The following EPB41L5 variants were observed in gnomAD, a reference collection of about 807,000 sequenced individuals.
EPB41L5 encodes the protein band 4.1-like protein 5.
A neutral mutation model predicts 106.6 loss-of-function variants in EPB41L5; 55 were observed. The observed-to-expected ratio is 0.52, with a 90% confidence interval of 0.42 to 0.65. The LOEUF (loss-of-function observed/expected upper bound fraction) is 0.65, where lower values mean the gene tolerates loss of function less well. EPB41L5 is among the 30% of genes least tolerant of loss of function. EPB41L5 has a pLI of 0.00. For synonymous variants in EPB41L5, 297 were observed against 306.7 expected, an observed-to-expected ratio of 0.97 and a Z score of 0.33; for missense variants, 871 against 882.1, an observed-to-expected ratio of 0.99 and a Z score of 0.16.
intron 18 of EPB41L5, among the ~76,000 whole-genome samples, chr2:120,138,000 T>C (rs1686003189): frequency 6.6e-6 from 1 of 151,974 alleles, no homozygotes; most frequent in African/African-American, 2.4e-5. Context: ...AAAAGATAAG[T>C]CATCACGTCC....
intron 21 of EPB41L5, among the ~76,000 whole-genome samples, chr2:120,163,874 CCCAGCATTT>C (rs1687256484): frequency 6.6e-6 from 1 of 151,750 alleles, no homozygotes; most frequent in Non-Finnish European, 1.5e-5. Flanking sequence ...ATTGCTTGGG[CCCAGCATTT>C]TGGGGCTGCG....
intron 11 of EPB41L5, among the ~76,000 whole-genome samples, chr2:120,089,454 T>G (rs1350880268): frequency 6.6e-6 from 1 of 152,174 alleles, no homozygotes; most frequent in Non-Finnish European, 1.5e-5. Context: ...CATAATTATA[T>G]ATATTTGCAG....
intron 16 of EPB41L5, among the ~76,000 whole-genome samples, chr2:120,115,370 G>A (rs1020152954): frequency 6.6e-6 from 1 of 151,996 alleles, no homozygotes; most frequent in African/African-American, 2.4e-5. Flanking sequence ...ATGTTCTGGT[G>A]TACCATTTCA....
At chr2:120,090,261 T>C in intron 11 of EPB41L5, 86 bp from the exon 12 acceptor site, 1 of 1,126,208 alleles carries the variant, frequency 8.9e-7, no homozygotes, top group Non-Finnish European at 1.3e-6. Context: ...AGATCCTTTA[T>C]TCATGGATGT....
chr2:120,115,844 C>T (rs892773417), intron 16 of EPB41L5, among the ~76,000 whole-genome samples: 2 of 152,146 alleles, frequency 1.3e-5, no homozygotes, highest in African/African-American at 2.4e-5. Context: ...GAGTCTTGCA[C>T]TGTCACCCAG....
At chr2:120,091,739 A>G (rs1683426009) in intron 13 of EPB41L5, 78 bp downstream of exon 13, 1 of 1,112,056 alleles carries the variant, frequency 9.0e-7, no homozygotes, top group African/African-American at 1.6e-5. Flanking sequence ...CATAAGAGGA[A>G]GTTACCTGAA....
At chr2:120,139,278 T>C (rs1391083987) in intron 18 of EPB41L5, among the ~76,000 whole-genome samples, 1 of 152,058 alleles carries the variant, frequency 6.6e-6, no homozygotes, top group Non-Finnish European at 1.5e-5. Flanking sequence ...AAAGATTTCT[T>C]GAATAATATC....
chr2:120,029,745 G>A (rs956901792), intron 2 of EPB41L5, among the ~76,000 whole-genome samples: 1 of 152,020 alleles, frequency 6.6e-6, no homozygotes, highest in Non-Finnish European at 1.5e-5. Flanking sequence ...TTATCTTATA[G>A]TACACTGTCC....
intron 3 of EPB41L5, among the ~76,000 whole-genome samples, chr2:120,065,954 CAT>C (rs1476583334): frequency 2.6e-5 from 4 of 152,164 alleles, no homozygotes; most frequent in South Asian, 2.1e-4. Flanking sequence ...TGCCAACACA[CAT>C]GTGTGTGCAC....
intron 10 of EPB41L5, among the ~76,000 whole-genome samples, chr2:120,079,570 G>C (rs1398264238): frequency 2.0e-5 from 3 of 152,176 alleles, no homozygotes; most frequent in Non-Finnish European, 4.4e-5. Flanking sequence ...ACCCCTATCA[G>C]GCAACCCTTT....
At chr2:120,074,003 T>C in intron 4 of EPB41L5, 97 bp from the exon 5 acceptor site, 13 of 873,776 alleles carry the variant, frequency 1.5e-5, no homozygotes, top group Non-Finnish European at 2.3e-5. Context: ...ACCTCATCTT[T>C]TGTCTCACTT....
intron 17 of EPB41L5, among the ~76,000 whole-genome samples, chr2:120,128,599 C>G (rs1042633451): frequency 5.9e-5 from 9 of 151,980 alleles, no homozygotes; most frequent in African/African-American, 1.9e-4. Flanking sequence ...TGAAAAGTCA[C>G]ACAGTGCTTC....
intron 10 of EPB41L5, 99 bp downstream of exon 10, chr2:120,078,680 GAAA>G: frequency 1.4e-6 from 1 of 739,144 alleles, no homozygotes; most frequent in Non-Finnish European, 2.2e-6. Context: ...AAATAGTTTT[GAAA>G]AACTTGTCAA....
intron 9 of EPB41L5, among the ~76,000 whole-genome samples, chr2:120,077,832 T>C (rs1446914010): frequency 6.6e-6 from 1 of 152,108 alleles, no homozygotes; most frequent in Non-Finnish European, 1.5e-5. Context: ...GACATAAATT[T>C]ATAAAGAGGT....
At chr2:120,023,954 G>A (rs1678120388) in intron 2 of EPB41L5, among the ~76,000 whole-genome samples, 1 of 152,182 alleles carries the variant, frequency 6.6e-6, no homozygotes, top group African/African-American at 2.4e-5. Context: ...TTGTGAATGG[G>A]AGTTCACTCA....
intron 24 of EPB41L5, among the ~76,000 whole-genome samples, chr2:120,173,920 G>A (rs151100356): frequency 6.6e-6 from 1 of 152,170 alleles, no homozygotes; most frequent in East Asian, 1.9e-4. Context: ...CCTGGTCTCA[G>A]TGGATTCTCC....
chr2:120,073,079 G>T (rs1681987626), intron 3 of EPB41L5, 99 bp from the exon 4 acceptor site: 3 of 1,013,548 alleles, frequency 3.0e-6, no homozygotes, highest in East Asian at 5.2e-5. Context: ...TTTCCTTGCG[G>T]TTATCAGTGT....
At chr2:120,018,356 AT>A (rs1315918300) in intron 1 of EPB41L5, among the ~76,000 whole-genome samples, 1 of 152,216 alleles carries the variant, frequency 6.6e-6, no homozygotes, top group Admixed American at 6.5e-5. Flanking sequence ...TAATTTATCT[AT>A]TTAGAAGACC....
intron 3 of EPB41L5, among the ~76,000 whole-genome samples, chr2:120,068,850 A>G (rs999938088): frequency 6.6e-6 from 1 of 151,570 alleles, no homozygotes; most frequent in African/African-American, 2.4e-5. Context: ...GGGGTTGGCC[A>G]GGCACAGTGG....
Sources: allele counts gnomAD v4.1 joint callset (sites outside exome capture counted in the v4.1 genomes callset), GRCh38; gene constraint gnomAD v4.1.1; transcripts MANE v1.5; gene names NCBI Gene and HGNC (gene_info 2026-07-23, HGNC 2026-07-21).